CXCL13: variants seen among roughly 807,000 people sequenced by gnomAD.
The protein encoded by CXCL13 is C-X-C motif chemokine 13.
CXCL13 carries 7 observed loss-of-function variants against 12.2 expected under a neutral mutation model. That is an observed-to-expected ratio of 0.57 (90% CI 0.33 to 1.07). The LOEUF (loss-of-function observed/expected upper bound fraction) is 1.07. Ranked by LOEUF, CXCL13 falls within the 50% of genes least tolerant of loss-of-function variation. The pLI, the probability that CXCL13 is intolerant of heterozygous loss-of-function variation, is 0.04. For missense variants in CXCL13, 113 were observed against 127.4 expected, an observed-to-expected ratio of 0.89 and a Z score of 0.55; for synonymous variants, 47 against 42.4, an observed-to-expected ratio of 1.11 and a Z score of -0.42.
intron 1 of CXCL13, among the ~76,000 whole-genome samples, chr4:77,549,363 A>C (rs889628694): frequency 3.9e-5 from 6 of 152,188 alleles, no homozygotes; most frequent in African/African-American, 1.4e-4. Context: ...TCCTCCATCC[A>C]GCTTTGTTCC....
At chr4:77,562,593 T>C (rs1725840410) in intron 1 of CXCL13, among the ~76,000 whole-genome samples, 1 of 142,780 alleles carries the variant, frequency 7.0e-6, no homozygotes, top group Admixed American at 6.7e-5. Context: ...ATCAGCACTC[T>C]GTGTCTAGCT....
At chr4:77,565,064 G>T (rs1725895719) in intron 1 of CXCL13, among the ~76,000 whole-genome samples, 1 of 152,126 alleles carries the variant, frequency 6.6e-6, no homozygotes, top group African/African-American at 2.4e-5. Context: ...CTGATCCCTT[G>T]GTTCAACTTT....
chr4:77,592,426 G>A (rs1370304591), intron 1 of CXCL13, among the ~76,000 whole-genome samples: 1 of 152,130 alleles, frequency 6.6e-6, no homozygotes, highest in Non-Finnish European at 1.5e-5. Flanking sequence ...AGGGGTTGGG[G>A]GAAGGGGAAT....
intron 1 of CXCL13, among the ~76,000 whole-genome samples, chr4:77,515,342 A>C (rs1724388195): frequency 6.6e-6 from 1 of 152,048 alleles, no homozygotes; most frequent in African/African-American, 2.4e-5. Flanking sequence ...AATTCTGTGA[A>C]GAAAGTCATT....
At chr4:77,519,119 C>A (rs748789135) in intron 1 of CXCL13, among the ~76,000 whole-genome samples, 2 of 152,260 alleles carry the variant, frequency 1.3e-5, no homozygotes, top group Non-Finnish European at 2.9e-5. Context: ...TTTTTGTGAA[C>A]CGTGAATGCT....
intron 1 of CXCL13, among the ~76,000 whole-genome samples, chr4:77,560,534 C>T (rs996904993): frequency 1.3e-5 from 2 of 152,208 alleles, no homozygotes; most frequent in Non-Finnish European, 2.9e-5. Flanking sequence ...CCACTGTGTT[C>T]AAACCTAAGA....
At chr4:77,583,133 G>A (rs1025603111) in intron 1 of CXCL13, among the ~76,000 whole-genome samples, 4 of 152,156 alleles carry the variant, frequency 2.6e-5, no homozygotes, top group African/African-American at 9.7e-5. Flanking sequence ...GAGAGCCAAG[G>A]AAGAACCACA....
At chr4:77,564,516 C>G (rs1247799337) in intron 1 of CXCL13, among the ~76,000 whole-genome samples, 1 of 152,138 alleles carries the variant, frequency 6.6e-6, no homozygotes, top group Non-Finnish European at 1.5e-5. Context: ...TGATATCCAG[C>G]ATTTACCAAA....
intron 1 of CXCL13, among the ~76,000 whole-genome samples, chr4:77,550,382 G>T (rs538405736): frequency 1.3e-5 from 2 of 152,316 alleles, no homozygotes; most frequent in South Asian, 2.1e-4. Context: ...GACGAACCCA[G>T]TATCCCAGTT....
intron 1 of CXCL13, among the ~76,000 whole-genome samples, chr4:77,526,430 A>G (rs1268554322): frequency 6.6e-6 from 1 of 152,118 alleles, no homozygotes; most frequent in South Asian, 2.1e-4. Flanking sequence ...AATATGATGT[A>G]TGTCTTAGTT....
intron 1 of CXCL13, among the ~76,000 whole-genome samples, chr4:77,560,578 C>T (rs1373084572): frequency 6.6e-6 from 1 of 152,224 alleles, no homozygotes; most frequent in African/African-American, 2.4e-5. Context: ...TTGAAGTCTC[C>T]TTTCTAGCTG....
intron 1 of CXCL13, among the ~76,000 whole-genome samples, chr4:77,579,181 C>A (rs1726259684): frequency 6.6e-6 from 1 of 152,186 alleles, no homozygotes; most frequent in East Asian, 1.9e-4. Flanking sequence ...GGGAAATGCC[C>A]CACTGTCTCA....
At chr4:77,521,842 G>A (rs1724608831) in intron 1 of CXCL13, among the ~76,000 whole-genome samples, 1 of 151,960 alleles carries the variant, frequency 6.6e-6, no homozygotes, top group South Asian at 2.1e-4. Flanking sequence ...TCTCTTGTGG[G>A]CATTTAGTGC....
chr4:77,550,169 T>C (rs916976345), intron 1 of CXCL13, among the ~76,000 whole-genome samples: 2 of 152,176 alleles, frequency 1.3e-5, no homozygotes, highest in African/African-American at 4.8e-5. Flanking sequence ...TATAATCTCC[T>C]AGTGTGCCAC....
upstream of CXCL13, among the ~76,000 whole-genome samples, chr4:77,603,089 C>G (rs1005090503): frequency 6.6e-6 from 1 of 152,152 alleles, no homozygotes; most frequent in East Asian, 1.9e-4. Context: ...TTAGGAGTTT[C>G]CTAGGTTTAT....
chr4:77,564,773 C>G (rs955170076), intron 1 of CXCL13, among the ~76,000 whole-genome samples: 4 of 152,162 alleles, frequency 2.6e-5, no homozygotes, highest in Non-Finnish European at 5.9e-5. Flanking sequence ...TAAAATGGCT[C>G]TCCACTCTAA....
intron 2 of CXCL13, among the ~76,000 whole-genome samples, chr4:77,608,658 A>G (rs1727066107): frequency 6.6e-6 from 1 of 152,174 alleles, no homozygotes; most frequent in Non-Finnish European, 1.5e-5. Flanking sequence ...ACATTTTGTT[A>G]CCAGTGCTTG....
intron 1 of CXCL13, among the ~76,000 whole-genome samples, chr4:77,521,655 TA>T (rs935604578): frequency 1.4e-4 from 21 of 152,092 alleles, no homozygotes; most frequent in East Asian, 3.9e-4. Context: ...GTTGATCTTT[TA>T]AAAAAAACAG....
chr4:77,537,827 G>T (rs1484188411), intron 1 of CXCL13, among the ~76,000 whole-genome samples: 1 of 152,106 alleles, frequency 6.6e-6, no homozygotes, highest in East Asian at 1.9e-4. Flanking sequence ...GTAGACATGT[G>T]ATTCAATTTG....
Sources: gnomAD v4.1 joint callset for allele counts (sites outside exome capture counted in the v4.1 genomes callset) on GRCh38, gnomAD v4.1.1 for gene constraint, MANE v1.5 for transcripts, NCBI Gene and HGNC (gene_info 2026-07-23, HGNC 2026-07-21) for gene names.